The following TSPAN3 variants were observed in gnomAD, a reference collection of about 807,000 sequenced individuals.
TSPAN3 encodes tetraspanin 3, also known as tetraspanin-3.
In TSPAN3, 9 loss-of-function variants were observed where a neutral mutation model predicts 31.1. That is an observed-to-expected ratio of 0.29 (90% CI 0.17 to 0.50). TSPAN3 has a LOEUF of 0.50. TSPAN3 is among the 20% of genes least tolerant of loss of function. TSPAN3 has a pLI of 0.98. For synonymous variants in TSPAN3, 129 were observed against 114.3 expected, an observed-to-expected ratio of 1.13 and a Z score of -0.82; for missense variants, 252 against 313.5, an observed-to-expected ratio of 0.80 and a Z score of 1.48.
intron 3 of TSPAN3, 153 bp downstream of exon 3, chr15:77,055,636 A>T: frequency 1.6e-6 from 1 of 616,900 alleles, no homozygotes; most frequent in Non-Finnish European, 2.8e-6. Context: ...TGACATGTAA[A>T]TATTTGCCAA....
At chr15:77,066,445 G>A (rs986300711) in intron 1 of TSPAN3, among the ~76,000 whole-genome samples, 5 of 151,882 alleles carry the variant, frequency 3.3e-5, no homozygotes, top group Non-Finnish European at 5.9e-5. Context: ...GGTGGCGCAC[G>A]CCTGTAGTCC....
Position 77,063,414 on chromosome 15 carries a change from TGTTGCCCA to T in TSPAN3, c.64-7167_64-7160del, listed in dbSNP as rs560045277. 1.1e-3 allele frequency: 170 copies of T among 152,214 alleles called. 1 individual carries two copies. Among genetic ancestry groups the T allele is most frequent in the African/African-American group, 4.0e-3 (165 of 41,530 alleles). 9.4% of individuals were successfully genotyped at this position (152,214 alleles called of 1,614,324 possible). A position where few individuals can be genotyped will look rare whatever the true frequency, so the allele number is the denominator to read the frequency against. The stretch of plus-strand genomic sequence containing the variant: ...TTTTTTTTAAGACAGGGTCTTGCTA[TGTTGCCCA>T]GGCTGGCCTCAGACTCCTTCCCTCA... On this transcript the variant is annotated intron_variant, in intron 1 of 6. Transcript: ENST00000267970.
At chr15:77,056,358 T>C (rs984170947) in intron 1 of TSPAN3, 103 bp from the exon 2 acceptor site, 19 of 884,678 alleles carry the variant, frequency 2.1e-5, no homozygotes, top group South Asian at 5.3e-5. Context: ...GTAACTGTTA[T>C]AGACTTTTTT....
chr15:77,053,373 G>C (rs1177475557), intron 4 of TSPAN3, among the ~76,000 whole-genome samples: 1 of 143,492 alleles, frequency 7.0e-6, no homozygotes, highest in African/African-American at 2.6e-5. Context: ...ACTTGAACCC[G>C]GGAGGTGGAG....
intron 1 of TSPAN3, among the ~76,000 whole-genome samples, chr15:77,058,986 A>AT (rs2076784503): frequency 1.3e-5 from 2 of 152,228 alleles, no homozygotes; most frequent in African/African-American, 4.8e-5. Flanking sequence ...GTTCACTGAC[A>AT]TATTTGCTTT....
chr15:77,054,308 C>T (rs1189644959), intron 3 of TSPAN3, 29 bp from the exon 4 acceptor site: 1 of 1,464,250 alleles, frequency 6.8e-7, no homozygotes, highest in Non-Finnish European at 9.6e-7. Flanking sequence ...TTCAGTCCCT[C>T]AAAAATACTA....
intron 4 of TSPAN3, among the ~76,000 whole-genome samples, chr15:77,053,720 T>G (rs954027873): frequency 6.6e-6 from 1 of 152,092 alleles, no homozygotes; most frequent in Admixed American, 6.6e-5. Context: ...AAGGTCGGGG[T>G]GCAAACATCT....
chr15:77,070,914 AC>A lies in TSPAN3; in HGVS notation c.40del (p.Val14SerfsTer42). 7.0e-7 allele frequency: 1 copy of A among 1,431,974 alleles called. No individual in the cohort carries two copies. Among genetic ancestry groups the A allele is most frequent in the South Asian group, 1.4e-5 (1 of 72,060 alleles). The allele number at this position is 1,431,974 out of a possible 1,614,324, so 88.7% of individuals were successfully genotyped here. A position where few individuals can be genotyped will look rare whatever the true frequency, so the allele number is the denominator to read the frequency against. ...CGITSSKTVL[V>X]FLNLIFWGAA... is the part of the protein sequence containing the mutation. ...CACCCAGAAGATGAGGTTGAGAAAG[AC>A]CAGCACGGTCTTGGAGGAGGTGATG... On this transcript the variant is annotated frameshift_variant, in exon 1 of 7. Transcript: ENST00000267970. LOFTEE classifies it high-confidence loss of function.
At chr15:77,049,392 A>G (rs1474554714) in intron 6 of TSPAN3, among the ~76,000 whole-genome samples, 2 of 152,320 alleles carry the variant, frequency 1.3e-5, no homozygotes, top group East Asian at 3.9e-4. Flanking sequence ...ATGAGACCCC[A>G]AAGTAAAGAC....
rs2076692719 is a variant in TSPAN3 at position 77,046,583 on chromosome 15, A to G, written c.*252T>C. The G allele has an allele frequency of 1.9e-6, 1 of 528,024 alleles. No homozygotes were observed. The highest frequency in any genetic ancestry group is 1.9e-5 in the African/African-American group (1 of 52,556). The allele number at this position is 528,024 out of a possible 1,614,324, so 32.7% of individuals were successfully genotyped here. A position where few individuals can be genotyped will look rare whatever the true frequency, so the allele number is the denominator to read the frequency against. ...ATTCTACCACACTACATGACTCGCA[A>G]TTGGTTCTGAAATTAGAACGTTCAC... On this transcript the variant is annotated 3_prime_UTR_variant, in exon 7 of 7. Transcript: ENST00000267970.
intron 1 of TSPAN3, among the ~76,000 whole-genome samples, chr15:77,065,983 A>G (rs1462699458): frequency 6.6e-6 from 1 of 152,208 alleles, no homozygotes; most frequent in Admixed American, 6.5e-5. Flanking sequence ...AAGCATGGAC[A>G]AAGCTTTCTG....
At chr15:77,057,660 T>C (rs2076775976) in intron 1 of TSPAN3, among the ~76,000 whole-genome samples, 1 of 152,238 alleles carries the variant, frequency 6.6e-6, no homozygotes, top group South Asian at 2.1e-4. Context: ...GCCCCACTGC[T>C]GGTTTTCTTC....
At chr15:77,064,043 C>T (rs2076816128) in intron 1 of TSPAN3, 1 of 152,150 alleles carries the variant, frequency 6.6e-6, no homozygotes, top group Non-Finnish European at 1.5e-5. Flanking sequence ...ATGTAAGTTA[C>T]AAAATGTCAA....
chr15:77,054,231 T>C lies in TSPAN3; in HGVS notation c.379A>G (p.Asn127Asp), dbSNP rs762537436. 4 of 1,614,038 alleles carry C rather than the reference T, an allele frequency of 2.5e-6. No homozygotes were observed. In the South Asian group the frequency reaches 3.3e-5, roughly 13 times the overall value. Residue 127 changes from asparagine to aspartate, a missense_variant, in exon 4 of 7, where the codon AAT becomes GAT. Physicochemically the swap from Asn to Asp is conservative, Grantham distance 23. Transcript: ENST00000267970. ...RSIQKVYKTY[N>D]GTNPDAASRA... ...CTAGCAGCATCAGGGTTGGTTCCAT[T>C]GTAGGTCTTATACACTTTCTGAATG...
At chr15:77,051,446 G>A (rs926675992) in intron 6 of TSPAN3, among the ~76,000 whole-genome samples, 6 of 151,594 alleles carry the variant, frequency 4.0e-5, no homozygotes, top group African/African-American at 1.2e-4. Context: ...AAGAATCACT[G>A]GAACCTGGGA....
At chr15:77,061,896 G>A (rs905987093) in intron 1 of TSPAN3, among the ~76,000 whole-genome samples, 1 of 152,204 alleles carries the variant, frequency 6.6e-6, no homozygotes, top group Admixed American at 6.5e-5. Flanking sequence ...ACAAATTCTT[G>A]CTTGCCTGTG....
intron 1 of TSPAN3, among the ~76,000 whole-genome samples, chr15:77,070,404 A>G (rs1013449570): frequency 1.3e-5 from 2 of 152,214 alleles, no homozygotes; most frequent in African/African-American, 4.8e-5. Context: ...AAGGGCGTTA[A>G]GTGGAACCCC....
intron 1 of TSPAN3, among the ~76,000 whole-genome samples, chr15:77,056,528 C>T (rs567178883): frequency 6.6e-6 from 1 of 152,210 alleles, no homozygotes; most frequent in Admixed American, 6.5e-5. Flanking sequence ...CACACACCTA[C>T]ACATCCCTAA....
chr15:77,050,668 T>C (rs748449674), intron 6 of TSPAN3, among the ~76,000 whole-genome samples: 4 of 152,212 alleles, frequency 2.6e-5, no homozygotes, highest in Non-Finnish European at 5.9e-5. Flanking sequence ...CATAAAATCA[T>C]TAAGAATGCA....
Sources: allele counts gnomAD v4.1 joint callset (sites outside exome capture counted in the v4.1 genomes callset), GRCh38; gene constraint gnomAD v4.1.1; transcripts MANE v1.5; gene names NCBI Gene and HGNC (gene_info 2026-07-23, HGNC 2026-07-21).